CCDC192: variants seen among roughly 807,000 people sequenced by gnomAD.
The protein encoded by CCDC192 is coiled-coil domain-containing protein 192.
chr5:127,897,916 C>T (rs1010011901), intron 6 of CCDC192, among the ~76,000 whole-genome samples: 9 of 152,220 alleles, frequency 5.9e-5, no homozygotes, highest in Admixed American at 3.3e-4. Flanking sequence ...TTAAGACTCT[C>T]CCTGGTATCA....
Position 127,837,059 on chromosome 5 carries a change from C to G in CCDC192, c.412-38479C>G, listed in dbSNP as rs76209594. Among the ~76,000 whole-genome samples, 403 of 81,940 alleles carry G rather than the reference C, an allele frequency of 4.9e-3. 144 individuals carry two copies. Among genetic ancestry groups the G allele is most frequent in the African/African-American group, 0.015 (380 of 24,812 alleles). 53.8% of individuals were successfully genotyped at this position (81,940 alleles called of 152,430 possible). ...CATAAGTTCCAATTTCAGATCATCTCTCTCAAGTTGAAAGTTCCACAGATC... is the reference window on the plus strand; with the variant it reads ...CATAAGTTCCAATTTCAGATCATCTGTCTCAAGTTGAAAGTTCCACAGATC... On this transcript the variant is annotated intron_variant, in intron 5 of 6. Transcript: ENST00000514853.
intron 5 of CCDC192, among the ~76,000 whole-genome samples, chr5:127,841,989 G>A (rs1750311903): frequency 6.6e-6 from 1 of 152,222 alleles, no homozygotes; most frequent in Admixed American, 6.5e-5. Flanking sequence ...GACAGAGGCT[G>A]TGTTGACCCA....
intron 6 of CCDC192, among the ~76,000 whole-genome samples, chr5:127,928,102 A>G (rs1386447178): frequency 1.3e-5 from 2 of 151,678 alleles, no homozygotes; most frequent in Non-Finnish European, 2.9e-5. Flanking sequence ...TAATTTCTGT[A>G]TGTTTAGTAG....
intron 2 of CCDC192, among the ~76,000 whole-genome samples, chr5:127,747,983 G>A (rs1753881914): frequency 6.8e-6 from 1 of 146,590 alleles, no homozygotes; most frequent in South Asian, 2.2e-4. Flanking sequence ...ATTTGTTTGA[G>A]TTCATTGTAG....
At chr5:127,716,350 C>T (rs1751622067) in intron 2 of CCDC192, among the ~76,000 whole-genome samples, 1 of 152,022 alleles carries the variant, frequency 6.6e-6, no homozygotes, top group Non-Finnish European at 1.5e-5. Context: ...CTGTAGTTTT[C>T]TTGTTTGTTG....
At chr5:127,880,332 C>T (rs1665863324) in intron 6 of CCDC192, among the ~76,000 whole-genome samples, 1 of 151,802 alleles carries the variant, frequency 6.6e-6, no homozygotes, top group East Asian at 1.9e-4. Context: ...AACCATCATT[C>T]TCAGTAAACT....
intron 5 of CCDC192, among the ~76,000 whole-genome samples, chr5:127,860,871 A>G (rs1224107650): frequency 6.6e-6 from 1 of 152,222 alleles, no homozygotes; most frequent in African/African-American, 2.4e-5. Context: ...AAATTAGGTT[A>G]GCCAGCCAAA....
At chr5:127,752,491 C>T (rs1258014741) in intron 2 of CCDC192, among the ~76,000 whole-genome samples, 1 of 152,228 alleles carries the variant, frequency 6.6e-6, no homozygotes, top group South Asian at 2.1e-4. Flanking sequence ...CAGCTGTGTA[C>T]TGGAAGAACC....
intron 2 of CCDC192, among the ~76,000 whole-genome samples, chr5:127,744,582 C>G (rs1351167431): frequency 2.0e-5 from 3 of 152,164 alleles, no homozygotes; most frequent in Admixed American, 6.5e-5. Flanking sequence ...CATAACCACA[C>G]TTTTATTTAA....
intron 2 of CCDC192, among the ~76,000 whole-genome samples, chr5:127,745,285 G>A (rs185146259): frequency 4.6e-4 from 70 of 152,270 alleles, no homozygotes; most frequent in African/African-American, 1.6e-3. Context: ...CAAGGTAGAG[G>A]ATAATGAGAA....
At chr5:127,792,750 G>T (rs1214552678) in intron 3 of CCDC192, among the ~76,000 whole-genome samples, 1 of 150,652 alleles carries the variant, frequency 6.6e-6, no homozygotes, top group Non-Finnish European at 1.5e-5. Flanking sequence ...AAAAGGAGAA[G>T]GAGAAAGACA....
chr5:127,737,052 C>G (rs1249127383), intron 2 of CCDC192, among the ~76,000 whole-genome samples: 1 of 150,604 alleles, frequency 6.6e-6, no homozygotes, highest in Non-Finnish European at 1.5e-5. Flanking sequence ...TTCCTGCTTT[C>G]TCTTGTGGGC....
intron 2 of CCDC192, among the ~76,000 whole-genome samples, chr5:127,708,973 A>G (rs1010310695): frequency 3.3e-5 from 5 of 151,932 alleles, no homozygotes; most frequent in Admixed American, 6.6e-5. Context: ...AAGAGATTCA[A>G]TTGGCTCGCA....
intron 2 of CCDC192, 120 bp downstream of exon 2, chr5:127,707,880 T>C (rs923193158): frequency 2.7e-6 from 1 of 375,136 alleles, no homozygotes; most frequent in African/African-American, 2.1e-5. Context: ...ATTTTACTAG[T>C]AAAGATTTTA....
At chr5:127,704,311 C>T (rs1750838954) in intron 1 of CCDC192, among the ~76,000 whole-genome samples, 1 of 152,194 alleles carries the variant, frequency 6.6e-6, no homozygotes, top group African/African-American at 2.4e-5. Flanking sequence ...ACTTCAGCCT[C>T]CTGAGTAGCT....
chr5:127,854,145 C>G (rs1046914483), intron 5 of CCDC192, among the ~76,000 whole-genome samples: 2 of 152,216 alleles, frequency 1.3e-5, no homozygotes, highest in African/African-American at 4.8e-5. Flanking sequence ...CCCCATCCTT[C>G]CATTCATTCT....
At chr5:127,850,957 C>T (rs1003711804) in intron 5 of CCDC192, among the ~76,000 whole-genome samples, 2 of 152,108 alleles carry the variant, frequency 1.3e-5, no homozygotes, top group Non-Finnish European at 2.9e-5. Context: ...CAGAGAGAGA[C>T]TCCATCTTGA....
intron 5 of CCDC192, among the ~76,000 whole-genome samples, chr5:127,822,774 A>G (rs1749349222): frequency 6.6e-6 from 1 of 152,188 alleles, no homozygotes; most frequent in Non-Finnish European, 1.5e-5. Context: ...TCTGCAGTCT[A>G]TGATTTCCAA....
At chr5:127,864,251 A>G (rs1751500866) in intron 5 of CCDC192, among the ~76,000 whole-genome samples, 1 of 152,216 alleles carries the variant, frequency 6.6e-6, no homozygotes, top group Admixed American at 6.5e-5. Context: ...AACAACTCAT[A>G]TGATTATTCC....
Sources: gnomAD v4.1 joint callset for allele counts (sites outside exome capture counted in the v4.1 genomes callset) on GRCh38, gnomAD v4.1.1 for gene constraint, MANE v1.5 for transcripts, NCBI Gene and HGNC (gene_info 2026-07-23, HGNC 2026-07-21) for gene names.